The following GALNTL6 variants were observed in gnomAD, a reference collection of about 807,000 sequenced individuals.
The protein encoded by GALNTL6 is polypeptide N-acetylgalactosaminyltransferase like 6.
In GALNTL6, 46 loss-of-function variants were observed where a neutral mutation model predicts 73.7. The observed-to-expected ratio is 0.62, with a 90% CI of 0.49 to 0.80. The LOEUF (loss-of-function observed/expected upper bound fraction) is 0.80. Among genes scored for constraint, GALNTL6 ranks in the 30% least tolerant of loss-of-function variants. The pLI is 0.00. For synonymous variants in GALNTL6, 259 were observed against 263.7 expected, an observed-to-expected ratio of 0.98 and a Z score of 0.17; for missense variants, 604 against 755.0, an observed-to-expected ratio of 0.80 and a Z score of 2.34.
At chr4:172,912,843 G>A (rs1579644735) in intron 8 of GALNTL6, among the ~76,000 whole-genome samples, 1 of 152,216 alleles carries the variant, frequency 6.6e-6, no homozygotes, top group East Asian at 1.9e-4. Context: ...AAACGTCCCT[G>A]TCTGACAGCT....
At chr4:172,415,101 C>T (rs1744579522) in intron 5 of GALNTL6, among the ~76,000 whole-genome samples, 1 of 152,104 alleles carries the variant, frequency 6.6e-6, no homozygotes, top group Non-Finnish European at 1.5e-5. Flanking sequence ...AGACTTTTCC[C>T]CAAGAAATGA....
At chr4:173,018,091 A>T (rs1272113826) in intron 11 of GALNTL6, among the ~76,000 whole-genome samples, 1 of 152,170 alleles carries the variant, frequency 6.6e-6, no homozygotes, top group South Asian at 2.1e-4. Flanking sequence ...AGAGATGGAG[A>T]CAGAGAGGGA....
chr4:172,921,828 G>T (rs1033173373), intron 8 of GALNTL6, among the ~76,000 whole-genome samples: 9 of 150,594 alleles, frequency 6.0e-5, no homozygotes, highest in African/African-American at 2.2e-4. Flanking sequence ...AAAAATGCAT[G>T]TATTCATTCA....
intron 2 of GALNTL6, among the ~76,000 whole-genome samples, chr4:171,977,436 T>A (rs1274017692): frequency 6.6e-6 from 1 of 152,210 alleles, no homozygotes; most frequent in African/African-American, 2.4e-5. Context: ...AGTCCAAGAT[T>A]AAGATGCCAG....
At chr4:171,826,861 T>G (rs1458960049) in intron 2 of GALNTL6, among the ~76,000 whole-genome samples, 1 of 152,002 alleles carries the variant, frequency 6.6e-6, no homozygotes, top group African/African-American at 2.4e-5. Context: ...CACACCCCTA[T>G]TTTAATTCTT....
intron 5 of GALNTL6, among the ~76,000 whole-genome samples, chr4:172,801,571 C>T (rs1054668805): frequency 6.6e-6 from 1 of 152,100 alleles, no homozygotes. Context: ...CATGCACAAT[C>T]CTAAACCTGG....
chr4:171,894,500 G>A (rs1675023545), intron 2 of GALNTL6, among the ~76,000 whole-genome samples: 1 of 152,188 alleles, frequency 6.6e-6, no homozygotes, highest in Non-Finnish European at 1.5e-5. Flanking sequence ...TAAAATGAAA[G>A]TGAAAAAGTA....
At chr4:172,317,325 G>A (rs1045182458) in intron 4 of GALNTL6, among the ~76,000 whole-genome samples, 33 of 152,162 alleles carry the variant, frequency 2.2e-4, no homozygotes, top group Admixed American at 2.0e-3. Context: ...GAATGTTTAT[G>A]TGCCCATTTC....
chr4:172,375,724 C>A (rs947649574), intron 5 of GALNTL6, among the ~76,000 whole-genome samples: 1 of 152,186 alleles, frequency 6.6e-6, no homozygotes, highest in African/African-American at 2.4e-5. Context: ...GTGGCCCTTA[C>A]TGATGCATTC....
intron 2 of GALNTL6, among the ~76,000 whole-genome samples, chr4:172,013,815 A>C (rs1355659935): frequency 6.6e-6 from 1 of 151,810 alleles, no homozygotes; most frequent in East Asian, 1.9e-4. Context: ...TCTTCTAACT[A>C]TTTTTTGGAT....
chr4:172,707,405 G>A (rs539810777), intron 5 of GALNTL6, among the ~76,000 whole-genome samples: 1 of 152,238 alleles, frequency 6.6e-6, no homozygotes, highest in Non-Finnish European at 1.5e-5. Flanking sequence ...GTATAGTCCT[G>A]CCACTAATAT....
intron 5 of GALNTL6, among the ~76,000 whole-genome samples, chr4:172,376,628 A>T (rs904595198): frequency 1.3e-5 from 2 of 152,112 alleles, no homozygotes; most frequent in Non-Finnish European, 2.9e-5. Context: ...GAATTCTAAG[A>T]AAAAATAGGA....
At chr4:171,916,098 T>C (rs1353224549) in intron 2 of GALNTL6, among the ~76,000 whole-genome samples, 1 of 152,122 alleles carries the variant, frequency 6.6e-6, no homozygotes, top group African/African-American at 2.4e-5. Context: ...TATTCTACGT[T>C]TGAGATATCA....
intron 2 of GALNTL6, among the ~76,000 whole-genome samples, chr4:172,148,902 G>A (rs1017434805): frequency 2.6e-5 from 4 of 152,184 alleles, no homozygotes; most frequent in African/African-American, 7.2e-5. Context: ...GCAGGAGGTT[G>A]TTATAGTAGA....
chr4:172,207,234 A>G (rs1736167706), intron 2 of GALNTL6, among the ~76,000 whole-genome samples: 1 of 152,172 alleles, frequency 6.6e-6, no homozygotes, highest in Admixed American at 6.5e-5. Flanking sequence ...TTATAAATGA[A>G]TTAATTCATT....
At chr4:172,339,255 CACCACACACACACACACACACACA>C (rs1741461114) in intron 4 of GALNTL6, among the ~76,000 whole-genome samples, 2 of 128,474 alleles carry the variant, frequency 1.6e-5, no homozygotes, top group South Asian at 5.1e-4. Flanking sequence ...CACACACACA[CACCACACACACACACACACACACA>C]CACACACACA....
intron 5 of GALNTL6, among the ~76,000 whole-genome samples, chr4:172,638,444 A>G (rs999155610): frequency 1.3e-5 from 2 of 152,124 alleles, no homozygotes; most frequent in Non-Finnish European, 2.9e-5. Flanking sequence ...CATTAGTTCC[A>G]TGAAGACCCC....
At chr4:172,050,504 G>T (rs918025855) in intron 2 of GALNTL6, among the ~76,000 whole-genome samples, 1 of 152,144 alleles carries the variant, frequency 6.6e-6, no homozygotes, top group Admixed American at 6.6e-5. Context: ...GTGGCTCCTG[G>T]ATGTGGCTTC....
intron 5 of GALNTL6, among the ~76,000 whole-genome samples, chr4:172,735,275 G>A (rs1488856404): frequency 6.6e-6 from 1 of 152,206 alleles, no homozygotes; most frequent in Non-Finnish European, 1.5e-5. Context: ...CCCACCTCTT[G>A]CAGCAGCGTG....
Sources: allele counts gnomAD v4.1 joint callset (sites outside exome capture counted in the v4.1 genomes callset), GRCh38; gene constraint gnomAD v4.1.1; transcripts MANE v1.5; gene names NCBI Gene and HGNC (gene_info 2026-07-23, HGNC 2026-07-21).